The following DHX36 variants were observed in gnomAD, a reference collection of about 807,000 sequenced individuals.
DHX36 encodes the protein ATP-dependent DNA/RNA helicase DHX36.
Under a neutral mutation model 139.0 loss-of-function variants are expected in DHX36, and 50 were observed. The ratio of observed to expected loss-of-function variants is 0.36; its 90% CI spans 0.29 to 0.46. DHX36 has a LOEUF of 0.46. Among genes scored for constraint, DHX36 ranks in the 20% least tolerant of loss-of-function variants. DHX36 has a pLI of 1.00. For synonymous variants in DHX36, 425 were observed against 401.9 expected, an observed-to-expected ratio of 1.06 and a Z score of -0.69; for missense variants, 1,024 against 1,211.3, an observed-to-expected ratio of 0.85 and a Z score of 2.29.
At position 154,316,176 on chromosome 3, in the gene DHX36, A is replaced by G. The variant is rs764989663; in HGVS notation, c.244-13T>C. 3 of 1,610,886 alleles carry G rather than the reference A, an allele frequency of 1.9e-6. No homozygotes were observed. The South Asian group carries it at 3.3e-5, about 18-fold the overall frequency. ...GTACTACAGCTCTCTAGTTTGTGCA[A>G]AGAAAAAAGCATCCTTGTCAACATA... On this transcript the variant is annotated splice_polypyrimidine_tract_variant and intron_variant, in intron 1 of 24. Transcript: ENST00000496811.
chr3:154,309,565 A>G lies in DHX36; in HGVS notation c.813+88T>C, dbSNP rs1712650625. 6 of 1,184,590 alleles carry G rather than the reference A, an allele frequency of 5.1e-6. No individual in the cohort carries two copies. In the East Asian group the frequency reaches 1.4e-4, roughly 27 times the overall value. 73.4% of individuals were successfully genotyped at this position (1,184,590 alleles called of 1,614,324 possible). ...ATAGTCACCAATCCTAAGCCTAATT[A>G]AGAATCACTCCACACCTTCAGAATC... On this transcript the variant is annotated intron_variant, in intron 5 of 24. Transcript: ENST00000496811.
intron 12 of DHX36, among the ~76,000 whole-genome samples, chr3:154,297,728 T>C (rs898003547): frequency 6.6e-6 from 1 of 151,438 alleles, no homozygotes; most frequent in African/African-American, 2.4e-5. Flanking sequence ...AAAAAAAGTC[T>C]CTAGTTTTTT....
At chr3:154,315,360 C>T in intron 2 of DHX36, 80 bp from the exon 3 acceptor site, 2 of 966,994 alleles carry the variant, frequency 2.1e-6, no homozygotes, top group East Asian at 5.0e-5. Context: ...AAACAATACG[C>T]TGTTGAAATA....
In DHX36 at chr3:154,276,160, C is replaced by T. The variant is rs777358666; in HGVS notation, c.*11G>A. 9 of 1,601,472 alleles carry T rather than the reference C, an allele frequency of 5.6e-6. No homozygotes were observed. The South Asian group carries it at 1.0e-4, about 18-fold the overall frequency. On this transcript the variant is annotated 3_prime_UTR_variant, in exon 25 of 25. Transcript: ENST00000496811. Reference sequence around the variant, plus strand: ...GTCAAACTGGCTTTTCAGACCACCCCTGAAAAGCTGTCAGCTGTAATATCC... The same window carrying T: ...GTCAAACTGGCTTTTCAGACCACCCTTGAAAAGCTGTCAGCTGTAATATCC...
chr3:154,294,564 GTT>G (rs892961780), intron 13 of DHX36, among the ~76,000 whole-genome samples: 3 of 152,164 alleles, frequency 2.0e-5, no homozygotes, highest in African/African-American at 7.2e-5. Flanking sequence ...GGAATCAAGA[GTT>G]TTCTTTCTTG....
At chr3:154,292,145 G>A (rs978768193) in intron 15 of DHX36, among the ~76,000 whole-genome samples, 1 of 152,042 alleles carries the variant, frequency 6.6e-6, no homozygotes, top group Non-Finnish European at 1.5e-5. Flanking sequence ...TTCCTTATCT[G>A]TAAAATGGAT....
chr3:154,293,662 G>A (rs1711914693), intron 14 of DHX36, 86 bp downstream of exon 14: 5 of 966,722 alleles, frequency 5.2e-6, no homozygotes, highest in Middle Eastern at 3.0e-4. Flanking sequence ...GTATATGGTA[G>A]AGAAAAAAGA....
At position 154,304,878 on chromosome 3, in the gene DHX36, T is replaced by A. The variant is rs1712440377; in HGVS notation, c.1063A>T (p.Asn355Tyr). The change falls in exon 8 of 25, where the codon AAT (asparagine) becomes TAT (tyrosine). Residue 355 changes from asparagine (N) to tyrosine (Y), a missense_variant. Physicochemically the swap from Asn to Tyr is moderately radical, Grantham distance 143. Around this residue, in one of 4 missense-constraint regions of DHX36, gnomAD observed 146 missense variants for 215.0 expected, o/e 0.68. Transcript: ENST00000496811. Reference sequence around the variant, plus strand: ...ATTACTTTCAAGTCAGATCGAAAATTGAGAAGGTCTTTAACAACAGTCATT... The same window carrying A: ...ATTACTTTCAAGTCAGATCGAAAATAGAGAAGGTCTTTAACAACAGTCATT... Reference protein sequence around the residue: ...VLMTVVKDLLNFRSDLKVILM... With the variant: ...VLMTVVKDLLYFRSDLKVILM... The A allele has an allele frequency of 6.2e-7, 1 of 1,610,220 alleles. No homozygotes were observed. Among genetic ancestry groups the A allele is most frequent in the Non-Finnish European group, 8.5e-7 (1 of 1,178,960 alleles).
intron 13 of DHX36, among the ~76,000 whole-genome samples, chr3:154,294,211 G>A (rs1407050008): frequency 6.6e-6 from 1 of 152,026 alleles, no homozygotes; most frequent in Admixed American, 6.6e-5. Context: ...GCCCAACCCA[G>A]CAGAACAAAT....
chr3:154,273,654 A>G lies in DHX36; in HGVS notation c.*2517T>C, dbSNP rs1719061675. On this transcript the variant is annotated 3_prime_UTR_variant, in exon 25 of 25. Transcript: ENST00000496811. ...TCAATGACAGACAGATCACTTTTAGAAGAACAGCCAAGATAAAGGATTTGA... is the reference window on the plus strand; with the variant it reads ...TCAATGACAGACAGATCACTTTTAGGAGAACAGCCAAGATAAAGGATTTGA... The G allele has an allele frequency of 1.3e-5, 2 of 152,230 alleles. No individual in the cohort carries two copies. The highest frequency in any genetic ancestry group is 4.1e-4 in the South Asian group (2 of 4,834). 9.4% of individuals were successfully genotyped at this position (152,230 alleles called of 1,614,324 possible). A position where few individuals can be genotyped will look rare whatever the true frequency, so the allele number is the denominator to read the frequency against.
At position 154,284,826 on chromosome 3, in the gene DHX36, A is replaced by G; in HGVS notation, c.2193T>C (p.Phe731=). 2 of 1,613,932 alleles carry G rather than the reference A, an allele frequency of 1.2e-6. No individual in the cohort carries two copies. Among genetic ancestry groups the G allele is most frequent in the Non-Finnish European group, 1.7e-6 (2 of 1,179,884 alleles). Residue 731 remains phenylalanine, a synonymous_variant, in exon 18 of 25, where the codon TTT becomes TTC. Transcript: ENST00000496811. ...CCATTTTTCTTACCAGTGGAATGAC[A>G]AATGGATCTTTGAAACTGAGACTAG... The part of the protein sequence containing the change: ...IAASLSFKDP[F]VIPLGKEKIA...
chr3:154,296,391 G>A (rs1430838398), intron 12 of DHX36, among the ~76,000 whole-genome samples: 1 of 152,028 alleles, frequency 6.6e-6, no homozygotes, highest in Non-Finnish European at 1.5e-5. Context: ...GGAGAATGGC[G>A]TGAACCTGGG....
intron 1 of DHX36, chr3:154,318,972 T>C (rs938278035): frequency 3.9e-5 from 6 of 152,204 alleles, no homozygotes; most frequent in African/African-American, 1.2e-4. Flanking sequence ...TGAGCATGTA[T>C]GATTAGCCCT....
intron 1 of DHX36, among the ~76,000 whole-genome samples, chr3:154,321,997 T>A (rs555109378): frequency 5.9e-5 from 9 of 151,428 alleles, no homozygotes; most frequent in African/African-American, 2.2e-4. Context: ...CTACCGAAAT[T>A]CTGACTGGGA....
chr3:154,298,559 TAATA>T (rs1712133344), intron 12 of DHX36, among the ~76,000 whole-genome samples: 1 of 152,360 alleles, frequency 6.6e-6, no homozygotes, highest in African/African-American at 2.4e-5. Context: ...ATTTAACAAA[TAATA>T]AATATATACA....
At position 154,322,755 on chromosome 3, in the gene DHX36, G is replaced by A. The variant is rs184284070; in HGVS notation, c.243+1419C>T. On this transcript the variant is annotated intron_variant, in intron 1 of 24. Coordinates refer to ENST00000496811, the MANE Select transcript of DHX36 (RefSeq NM_020865.3). ...TAGGTATTATTTTCTCAGCTAGACT[G>A]TAAGCTCTTTGAATACCACATTTCT... is the stretch of plus-strand genomic sequence containing the variant. Among the ~76,000 whole-genome samples the A allele has an allele frequency of 1.2e-3, 180 of 152,294 alleles. 1 individual carries two copies. The highest frequency in any genetic ancestry group is 3.9e-3 in the African/African-American group (164 of 41,558).
Position 154,300,619 on chromosome 3 carries a change from A to G in DHX36, c.1436T>C (p.Ile479Thr), listed in dbSNP as rs1274726510. ...KVDLNLIVAL[I>T]RYIVLEEEDG... is the part of the protein sequence containing the mutation. Reference sequence around the variant, plus strand: ...CTCTTCTTCCAAAACAATGTATCGGATGAGGGCAACAATCAAATTCAGATC... The same window carrying G: ...CTCTTCTTCCAAAACAATGTATCGGGTGAGGGCAACAATCAAATTCAGATC... The change falls in exon 11 of 25, where the codon ATC (isoleucine) becomes ACC (threonine). Residue 479 changes from isoleucine (I) to threonine (T), a missense_variant. By Grantham distance (89) the Ile-to-Thr change is moderately conservative (BLOSUM62 -1). This residue lies in a region of DHX36 where 115 missense variants were observed against 105.6 expected (regional missense o/e 1.09). Transcript: ENST00000496811. 1.2e-6 allele frequency: 2 copies of G among 1,613,724 alleles called. No homozygotes were observed. The highest frequency in any genetic ancestry group is 1.7e-6 in the Non-Finnish European group (2 of 1,179,810).
Position 154,291,121 on chromosome 3 carries a change from C to T in DHX36, c.1815-1295G>A, listed in dbSNP as rs1223408874. 3.5e-4 allele frequency among the ~76,000 whole-genome samples: 34 copies of T among 98,270 alleles called. No individual in the cohort carries two copies. The East Asian group carries it at 7.3e-3, about 21-fold the overall frequency. The allele number at this position is 98,270 out of a possible 152,430, so 64.5% of individuals were successfully genotyped here. A position where few individuals can be genotyped will look rare whatever the true frequency, so the allele number is the denominator to read the frequency against. On this transcript the variant is annotated intron_variant, in intron 15 of 24. Transcript: ENST00000496811. ...CTGCACTCCAGCCTGGGCGACAGAGCGAGACTCCGTCTCAAAAAAAAAAAA... is the reference window on the plus strand; with the variant it reads ...CTGCACTCCAGCCTGGGCGACAGAGTGAGACTCCGTCTCAAAAAAAAAAAA...
intron 6 of DHX36, among the ~76,000 whole-genome samples, chr3:154,305,670 G>A (rs1228959133): frequency 6.6e-6 from 1 of 152,200 alleles, no homozygotes; most frequent in East Asian, 1.9e-4. Flanking sequence ...GAGAGGCTGA[G>A]GTGGGAGGAC....
Sources: gnomAD v4.1 joint callset for allele counts (sites outside exome capture counted in the v4.1 genomes callset) on GRCh38, gnomAD v4.1.1 for gene constraint, gnomAD v4.1.1 regional missense constraint, MANE v1.5 for transcripts, NCBI Gene and HGNC (gene_info 2026-07-23, HGNC 2026-07-21) for gene names.